The following OSGIN2 variants were observed in gnomAD, a reference collection of about 807,000 sequenced individuals.
OSGIN2 encodes the protein oxidative stress-induced growth inhibitor 2.
OSGIN2 carries 19 observed loss-of-function variants against 53.8 expected under a neutral mutation model. The observed-to-expected ratio is 0.35, with a 90% CI of 0.25 to 0.52. OSGIN2 has a LOEUF of 0.52. Ranked by LOEUF, OSGIN2 falls within the 20% of genes least tolerant of loss-of-function variation. The probability of loss-of-function intolerance (pLI) is 0.95; values close to 1 mark genes in which losing one functional copy is unlikely to be tolerated. For synonymous variants in OSGIN2, 236 were observed against 236.0 expected, an observed-to-expected ratio of 1.00 and a Z score of 0.00; for missense variants, 520 against 662.7, an observed-to-expected ratio of 0.78 and a Z score of 2.36.
intron 2 of OSGIN2, among the ~76,000 whole-genome samples, chr8:89,912,687 AG>A (rs1257204079): frequency 7.9e-5 from 12 of 151,922 alleles, no homozygotes; most frequent in African/African-American, 2.9e-4. Context: ...CAGAGGTTGC[AG>A]TGAGCCGAGA....
chr8:89,918,980 A>G (rs66854331), intron 4 of OSGIN2, among the ~76,000 whole-genome samples: 5,831 of 152,298 alleles, frequency 0.038, 167 homozygotes, highest in South Asian at 0.1. Flanking sequence ...TCCATTATCC[A>G]TACCAAAGCC....
chr8:89,920,151 C>A (rs912428560), intron 4 of OSGIN2, among the ~76,000 whole-genome samples: 2 of 152,120 alleles, frequency 1.3e-5, no homozygotes, highest in Non-Finnish European at 2.9e-5. Context: ...TATGATGATT[C>A]CAGGTTCTGA....
At chr8:89,916,762 T>G (rs2246157) in intron 4 of OSGIN2, among the ~76,000 whole-genome samples, 1 of 151,932 alleles carries the variant, frequency 6.6e-6, no homozygotes, top group Admixed American at 6.6e-5. Context: ...TTAACCATTC[T>G]GTCAGATGCT....
chr8:89,905,997 C>T (rs1213311732), intron 1 of OSGIN2, among the ~76,000 whole-genome samples: 1 of 152,158 alleles, frequency 6.6e-6, no homozygotes, highest in African/African-American at 2.4e-5. Context: ...TACTTATGCA[C>T]TGAAAACTAC....
chr8:89,918,952 T>C (rs1809140252), intron 4 of OSGIN2, among the ~76,000 whole-genome samples: 1 of 152,212 alleles, frequency 6.6e-6, no homozygotes, highest in African/African-American at 2.4e-5. Context: ...GTTTTCTTAC[T>C]CATTGTCTCT....
At chr8:89,910,799 C>G (rs1808952580) in intron 2 of OSGIN2, among the ~76,000 whole-genome samples, 1 of 152,208 alleles carries the variant, frequency 6.6e-6, no homozygotes. Flanking sequence ...ACTCCACTTC[C>G]CACAAAGCAG....
At chr8:89,906,426 C>A (rs1290664008) in intron 1 of OSGIN2, among the ~76,000 whole-genome samples, 1 of 152,148 alleles carries the variant, frequency 6.6e-6, no homozygotes, top group Non-Finnish European at 1.5e-5. Context: ...CCTCTCCCTC[C>A]TCCCACCCTT....
At chr8:89,913,463 C>T (rs1361567282) in intron 2 of OSGIN2, among the ~76,000 whole-genome samples, 1 of 151,862 alleles carries the variant, frequency 6.6e-6, no homozygotes, top group African/African-American at 2.4e-5. Context: ...GAACAGAAGG[C>T]TAACATGATG....
chr8:89,910,855 T>C (rs1169039358), intron 2 of OSGIN2, among the ~76,000 whole-genome samples: 3 of 152,204 alleles, frequency 2.0e-5, no homozygotes, highest in East Asian at 3.9e-4. Flanking sequence ...CTTAGCCTCA[T>C]GTATATTTAT....
chr8:89,925,438 A>G lies in OSGIN2; in HGVS notation c.1556A>G (p.Lys519Arg). 6.2e-7 allele frequency: 1 copy of G among 1,614,184 alleles called. No individual in the cohort carries two copies. Among genetic ancestry groups the G allele is most frequent in the East Asian group, 2.2e-5 (1 of 44,878 alleles). ...LVGDNFVRFLKGGALGVTRCL... is the reference protein window; with the variant it reads ...LVGDNFVRFLRGGALGVTRCL... ...GGAGACAATTTTGTTCGATTTTTAA[A>G]GGGAGGGGCGCTGGGTGTTACACGC... The change falls in exon 6 of 6, where the codon AAG (lysine) becomes AGG (arginine). Residue 519 changes from lysine to arginine, a missense_variant. Around this residue, in one of 3 missense-constraint regions of OSGIN2, gnomAD observed 239 missense variants for 328.3 expected, o/e 0.73. Coordinates refer to ENST00000451899, the MANE Select transcript of OSGIN2 (RefSeq NM_001126111.3).
chr8:89,903,873 A>G (rs919476180), intron 1 of OSGIN2, among the ~76,000 whole-genome samples: 2 of 152,236 alleles, frequency 1.3e-5, no homozygotes, highest in Non-Finnish European at 2.9e-5. Flanking sequence ...GCACATATAT[A>G]TATCGCGTTT....
intron 1 of OSGIN2, among the ~76,000 whole-genome samples, chr8:89,903,577 C>T (rs1049997354): frequency 1.3e-5 from 2 of 152,118 alleles, no homozygotes; most frequent in Admixed American, 6.5e-5. Flanking sequence ...AAGACTTCTT[C>T]CCTGGTAAAA....
chr8:89,912,756 C>A (rs1057026995), intron 2 of OSGIN2, among the ~76,000 whole-genome samples: 4 of 150,836 alleles, frequency 2.7e-5, no homozygotes, highest in Admixed American at 2.0e-4. Context: ...AAAAAAAAAA[C>A]ACAACGAAAA....
chr8:89,904,673 G>T (rs999691653), intron 1 of OSGIN2, among the ~76,000 whole-genome samples: 5 of 151,964 alleles, frequency 3.3e-5, no homozygotes, highest in African/African-American at 7.2e-5. Context: ...AAAATTAGCC[G>T]GGCAGGGTGG....
At chr8:89,913,994 C>T (rs546003635) in intron 2 of OSGIN2, 83 bp from the exon 3 acceptor site, 12 of 1,116,236 alleles carry the variant, frequency 1.1e-5, no homozygotes, top group Non-Finnish European at 1.6e-5. Flanking sequence ...GAGAAAAGAG[C>T]CATCTTCAAA....
chr8:89,917,759 C>T (rs1398203300), intron 4 of OSGIN2, among the ~76,000 whole-genome samples: 5 of 152,062 alleles, frequency 3.3e-5, no homozygotes, highest in Non-Finnish European at 7.4e-5. Flanking sequence ...CGAAAACTTA[C>T]ACATTGATGC....
chr8:89,912,347 T>C (rs750751655), intron 2 of OSGIN2, among the ~76,000 whole-genome samples: 1 of 152,226 alleles, frequency 6.6e-6, no homozygotes, highest in Admixed American at 6.5e-5. Context: ...TGGCAGTTTC[T>C]TGCCTGCTGC....
intron 4 of OSGIN2, among the ~76,000 whole-genome samples, chr8:89,919,336 C>A (rs1214066901): frequency 6.6e-6 from 1 of 152,150 alleles, no homozygotes; most frequent in Non-Finnish European, 1.5e-5. Context: ...CCAGGAGAAA[C>A]CAAGTGTAAG....
Position 89,927,265 on chromosome 8 carries a change from A to G in OSGIN2, c.*1733A>G, listed in dbSNP as rs1159724364. Reference sequence around the variant, plus strand: ...TCAAAAGTCCACAGTTATTCAAACAATGGCTTTTTTTGTGATGAGAGTATT... The same window carrying G: ...TCAAAAGTCCACAGTTATTCAAACAGTGGCTTTTTTTGTGATGAGAGTATT... On this transcript the variant is annotated 3_prime_UTR_variant, in exon 6 of 6. Coordinates refer to ENST00000451899, the MANE Select transcript of OSGIN2 (RefSeq NM_001126111.3). 1.3e-5 allele frequency: 2 copies of G among 150,888 alleles called. No individual in the cohort carries two copies. The highest frequency in any genetic ancestry group is 2.5e-5 in the African/African-American group (1 of 40,588). The allele number at this position is 150,888 out of a possible 1,614,324, so 9.3% of individuals were successfully genotyped here.
Sources: gnomAD v4.1 joint callset for allele counts (sites outside exome capture counted in the v4.1 genomes callset) on GRCh38, gnomAD v4.1.1 for gene constraint, gnomAD v4.1.1 regional missense constraint, MANE v1.5 for transcripts, NCBI Gene and HGNC (gene_info 2026-07-23, HGNC 2026-07-21) for gene names.